The following ZFHX3 variants were observed in gnomAD, a reference collection of about 807,000 sequenced individuals.
ZFHX3 encodes zinc finger homeobox protein 3.
Under a neutral mutation model 279.1 loss-of-function variants are expected in ZFHX3, and 42 were observed. The ratio of observed to expected loss-of-function variants is 0.15; its 90% CI spans 0.12 to 0.19. ZFHX3 has a LOEUF of 0.19. Ranked by LOEUF, ZFHX3 falls within the 10% of genes least tolerant of loss-of-function variation. The pLI, the probability that ZFHX3 is intolerant of heterozygous loss-of-function variation, is 1.00. For synonymous variants in ZFHX3, 2,293 were observed against 1,957.8 expected (o/e 1.17, Z -4.52); for missense variants, 4,981 against 4,754.0 (o/e 1.05, Z -1.40).
At position 73,604,469 on chromosome 16, in the gene ZFHX3, G is replaced by A. The variant is rs139334673; in HGVS notation, c.-1547+75711C>T. Among the ~76,000 whole-genome samples the A allele has an allele frequency of 2.6e-5, 4 of 152,320 alleles. No homozygotes were observed. In the East Asian group the frequency reaches 7.7e-4, roughly 29 times the overall value. On this transcript the variant is annotated intron_variant, in intron 2 of 17. Coordinates refer to the ZFHX3 transcript ENST00000641206. ...CCATGTTAAAATGTCCCATGGGCCAGGCACAGTGACTCACGCCTGTAATCC... is the reference window on the plus strand; with the variant it reads ...CCATGTTAAAATGTCCCATGGGCCAAGCACAGTGACTCACGCCTGTAATCC...
intron 5 of ZFHX3, among the ~76,000 whole-genome samples, chr16:73,222,371 G>A (rs1302146599): frequency 6.6e-6 from 1 of 151,958 alleles, no homozygotes; most frequent in Non-Finnish European, 1.5e-5. Flanking sequence ...TTATAGCAAG[G>A]TTGCAGGATA....
At chr16:73,831,575 C>G (rs1363973733) in intron 1 of ZFHX3, among the ~76,000 whole-genome samples, 1 of 152,208 alleles carries the variant, frequency 6.6e-6, no homozygotes, top group Non-Finnish European at 1.5e-5. Context: ...ATTCTGCAGC[C>G]TCTCACAGAT....
At chr16:73,436,511 A>G (rs2018001248) in intron 3 of ZFHX3, among the ~76,000 whole-genome samples, 1 of 152,152 alleles carries the variant, frequency 6.6e-6, no homozygotes, top group Non-Finnish European at 1.5e-5. Flanking sequence ...ACAGTATGGG[A>G]GAAACCACCC....
rs1567508257 is a variant in ZFHX3 at position 72,788,318 on chromosome 16, C to T, written c.9958G>A (p.Ala3320Thr). 1 of 1,614,112 alleles carries T rather than the reference C, an allele frequency of 6.2e-7. No individual in the cohort carries two copies. Among genetic ancestry groups the T allele is most frequent in the South Asian group, 1.1e-5 (1 of 91,074 alleles). Residue 3320 changes from alanine to threonine, a missense_variant, in exon 10 of 10, where the codon GCT (alanine) becomes ACT (threonine). Physicochemically the swap from Ala to Thr is moderately conservative, Grantham distance 58 (BLOSUM62 0). This residue lies in a region of ZFHX3 where 1,034 missense variants were observed against 786.0 expected (regional missense o/e 1.32). Transcript: ENST00000268489. The part of the protein sequence containing the change: ...YFVPGFSPYY[A>T]PQIPGALQSG... ...TGCAGGGCGCCAGGGATCTGGGGAGCATAATAAGGAGAAAAGCCTGGTACA... is the reference window on the plus strand; with the variant it reads ...TGCAGGGCGCCAGGGATCTGGGGAGTATAATAAGGAGAAAAGCCTGGTACA...
intron 1 of ZFHX3, among the ~76,000 whole-genome samples, chr16:73,879,082 T>C (rs2030054498): frequency 1.3e-5 from 2 of 151,506 alleles, no homozygotes; most frequent in African/African-American, 4.9e-5. Flanking sequence ...TCTTCCAACT[T>C]CTCTTGAGGA....
chr16:72,979,992 A>G (rs546977878), intron 1 of ZFHX3, among the ~76,000 whole-genome samples: 91 of 152,332 alleles, frequency 6.0e-4, no homozygotes, highest in African/African-American at 2.0e-3. Context: ...TGAGAATGGG[A>G]TAAGACTAGG....
chr16:72,890,260 T>C (rs1307666785), intron 3 of ZFHX3, among the ~76,000 whole-genome samples: 6 of 152,214 alleles, frequency 3.9e-5, no homozygotes, highest in Admixed American at 1.3e-4. Context: ...TGAGATCTGA[T>C]AGTTTTATAA....
chr16:73,507,913 T>C (rs1597362926), intron 2 of ZFHX3, among the ~76,000 whole-genome samples: 1 of 152,148 alleles, frequency 6.6e-6, no homozygotes. Flanking sequence ...TTTTGTGAGA[T>C]TAGAATCGAT....
chr16:73,049,713 C>T (rs1036746042), upstream of ZFHX3, among the ~76,000 whole-genome samples: 4 of 151,884 alleles, frequency 2.6e-5, no homozygotes, highest in African/African-American at 9.7e-5. Flanking sequence ...GCACGGGGGC[C>T]GGGTGGGGGG....
At chr16:73,756,318 A>G (rs2053808668) in intron 1 of ZFHX3, among the ~76,000 whole-genome samples, 1 of 152,180 alleles carries the variant, frequency 6.6e-6, no homozygotes, top group South Asian at 2.1e-4. Flanking sequence ...TTTAGAGTAT[A>G]ATCTGATAGG....
intron 3 of ZFHX3, among the ~76,000 whole-genome samples, chr16:73,393,866 A>G (rs957002790): frequency 4.0e-5 from 6 of 149,056 alleles, no homozygotes; most frequent in African/African-American, 1.5e-4. Context: ...CAGATATCCT[A>G]TTATATATAT....
At chr16:73,006,718 A>C (rs1489649906) in intron 1 of ZFHX3, among the ~76,000 whole-genome samples, 1 of 151,620 alleles carries the variant, frequency 6.6e-6, no homozygotes, top group Non-Finnish European at 1.5e-5. Context: ...GATCAAATGT[A>C]TCTCTCACAC....
At chr16:73,187,206 A>G (rs369472223) in intron 5 of ZFHX3, among the ~76,000 whole-genome samples, 4 of 152,104 alleles carry the variant, frequency 2.6e-5, no homozygotes, top group African/African-American at 9.6e-5. Flanking sequence ...GTCTAAAAAC[A>G]TTAAATTAAC....
chr16:72,859,635 A>G (rs2037834008), intron 4 of ZFHX3, among the ~76,000 whole-genome samples: 1 of 152,234 alleles, frequency 6.6e-6, no homozygotes, highest in South Asian at 2.1e-4. Context: ...AGAAGAAACC[A>G]CAGGCTAAAA....
At chr16:73,293,358 C>T (rs1003964040) in intron 4 of ZFHX3, among the ~76,000 whole-genome samples, 8 of 152,186 alleles carry the variant, frequency 5.3e-5, no homozygotes, top group South Asian at 4.1e-4. Flanking sequence ...AGGGTAAAGA[C>T]TGACTGATTT....
intron 1 of ZFHX3, among the ~76,000 whole-genome samples, chr16:73,884,677 GA>G (rs1161940073): frequency 6.6e-6 from 1 of 152,108 alleles, no homozygotes; most frequent in Admixed American, 6.6e-5. Flanking sequence ...CAGACATTCC[GA>G]AATGCCTTTA....
At chr16:73,775,902 A>G (rs1959232066) in intron 1 of ZFHX3, among the ~76,000 whole-genome samples, 3 of 152,164 alleles carry the variant, frequency 2.0e-5, no homozygotes, top group Non-Finnish European at 4.4e-5. Context: ...AGACTCTTGG[A>G]GCCACTTCCT....
intron 3 of ZFHX3, among the ~76,000 whole-genome samples, chr16:73,426,119 G>A (rs1487369055): frequency 6.6e-6 from 1 of 152,114 alleles, no homozygotes; most frequent in Non-Finnish European, 1.5e-5. Flanking sequence ...GCACTGGGCC[G>A]CCCATGAGCC....
chr16:73,055,981 G>A (rs1965548281), intron 1 of ZFHX3, among the ~76,000 whole-genome samples: 1 of 152,078 alleles, frequency 6.6e-6, no homozygotes, highest in Non-Finnish European at 1.5e-5. Flanking sequence ...GAAATCAATA[G>A]GAAAGAGCAT....
Sources: allele counts gnomAD v4.1 joint callset (sites outside exome capture counted in the v4.1 genomes callset), GRCh38; gene constraint gnomAD v4.1.1; regional missense constraint gnomAD v4.1.1; transcripts MANE v1.5; gene names NCBI Gene and HGNC (gene_info 2026-07-23, HGNC 2026-07-21).